Variants in ST3GAL3 observed in about 807,000 individuals in gnomAD.
The protein encoded by ST3GAL3 is ST3 beta-galactoside alpha-2,3-sialyltransferase 3.
In ST3GAL3, 21 loss-of-function variants were observed where a neutral mutation model predicts 50.1. The observed-to-expected ratio is 0.42, with a 90% CI of 0.30 to 0.60. ST3GAL3 has a LOEUF of 0.60. Ranked by LOEUF, ST3GAL3 falls within the 20% of genes least tolerant of loss-of-function variation. The probability of loss-of-function intolerance (pLI) is 0.19; values close to 1 mark genes in which losing one functional copy is unlikely to be tolerated. For synonymous variants in ST3GAL3, 183 were observed against 190.0 expected (o/e 0.96, Z 0.30); for missense variants, 353 against 489.4 (o/e 0.72, Z 2.63).
chr1:43,860,371 C>T (rs2069593328), intron 5 of ST3GAL3, among the ~76,000 whole-genome samples: 1 of 152,206 alleles, frequency 6.6e-6, no homozygotes, highest in South Asian at 2.1e-4. Flanking sequence ...GCCTGGGCTC[C>T]TGACGCAGCC....
At position 43,894,424 on chromosome 1, in the gene ST3GAL3, G is replaced by T. The variant is rs767108992; in HGVS notation, c.344G>T (p.Arg115Leu). ...CCCATGTTCCTGGATGACTCCTTTC[G>T]CAAGTGGGCTAGAATCCGGGAGTTC... ...PAPMFLDDSF[R>L]KWARIREFVP... Residue 115 changes from arginine to leucine, a missense_variant, in exon 6 of 12, where the codon CGC becomes CTC. Physicochemically the swap from Arg to Leu is moderately radical, Grantham distance 102. Coordinates refer to ENST00000347631, the MANE Select transcript of ST3GAL3 (RefSeq NM_006279.5). 7 of 1,613,974 alleles carry T rather than the reference G, an allele frequency of 4.3e-6. No individual in the cohort carries two copies. Among genetic ancestry groups the T allele is most frequent in the East Asian group, 4.5e-5 (2 of 44,888 alleles).
At chr1:43,733,029 T>C (rs1176274879) in intron 1 of ST3GAL3, among the ~76,000 whole-genome samples, 1 of 151,772 alleles carries the variant, frequency 6.6e-6, no homozygotes, top group African/African-American at 2.4e-5. Context: ...CCCAGGCTGA[T>C]GTGCAGTAGC....
chr1:43,920,545 C>T lies in ST3GAL3; in HGVS notation c.886C>T (p.Arg296Trp), dbSNP rs554609799. Reference sequence around the variant, plus strand: ...GCCCTTCAACAATGGCCTCATGGGCCGGGGGGTGAGATATCTGGGCCCTGG... The same window carrying T: ...GCCCTTCAACAATGGCCTCATGGGCTGGGGGGTGAGATATCTGGGCCCTGG... ...GLPFNNGLMG[R>W]GNIPTLGSVA... The change falls in exon 10 of 12, where the codon CGG becomes TGG. Residue 296 changes from arginine to tryptophan, a missense_variant. Physicochemically the swap from Arg to Trp is moderately radical, Grantham distance 101. Coordinates refer to ENST00000347631, the MANE Select transcript of ST3GAL3 (RefSeq NM_006279.5). 2.5e-6 allele frequency: 4 copies of T among 1,606,600 alleles called. No homozygotes were observed. The highest frequency in any genetic ancestry group is 2.3e-5 in the East Asian group (1 of 44,398).
intron 2 of ST3GAL3, among the ~76,000 whole-genome samples, chr1:43,766,071 T>TA (rs1270964150): frequency 1.3e-5 from 2 of 152,020 alleles, no homozygotes; most frequent in East Asian, 3.9e-4. Context: ...AGAGCTGGAA[T>TA]AAAAAATCCA....
intron 9 of ST3GAL3, among the ~76,000 whole-genome samples, chr1:43,907,017 C>T (rs184076793): frequency 6.6e-6 from 1 of 152,298 alleles, no homozygotes; most frequent in Non-Finnish European, 1.5e-5. Context: ...CATCAGTCAG[C>T]TCCTATCTGC....
At chr1:43,720,561 C>G (rs1669912583) in intron 1 of ST3GAL3, 1 of 152,094 alleles carries the variant, frequency 6.6e-6, no homozygotes, top group South Asian at 2.1e-4. Context: ...CCTGGAAGGG[C>G]AAGAGAGAGT....
intron 1 of ST3GAL3, among the ~76,000 whole-genome samples, chr1:43,731,486 G>A (rs1558047848): frequency 6.8e-6 from 1 of 146,642 alleles, no homozygotes; most frequent in South Asian, 2.2e-4. Flanking sequence ...CCGGGTTCAC[G>A]CCATTCTCCT....
At chr1:43,860,890 T>G (rs2069744043) in intron 5 of ST3GAL3, among the ~76,000 whole-genome samples, 1 of 152,232 alleles carries the variant, frequency 6.6e-6, no homozygotes, top group African/African-American at 2.4e-5. Context: ...AGTAGAAAGC[T>G]TTTGAGCTGA....
intron 5 of ST3GAL3, among the ~76,000 whole-genome samples, chr1:43,857,633 T>G (rs2068834130): frequency 6.8e-6 from 1 of 146,896 alleles, no homozygotes; most frequent in African/African-American, 2.5e-5. Context: ...CCTTCCTTCC[T>G]TCCTCGGAGT....
intron 2 of ST3GAL3, among the ~76,000 whole-genome samples, chr1:43,739,942 A>G (rs918996825): frequency 1.3e-5 from 2 of 152,224 alleles, no homozygotes; most frequent in Non-Finnish European, 2.9e-5. Flanking sequence ...TTATACATGT[A>G]GTATGATAAA....
At chr1:43,918,900 A>G (rs950226961) in intron 9 of ST3GAL3, among the ~76,000 whole-genome samples, 1 of 151,814 alleles carries the variant, frequency 6.6e-6, no homozygotes, top group Non-Finnish European at 1.5e-5. Context: ...TAGTTCTCAC[A>G]TATTTCTTAT....
chr1:43,773,379 C>T (rs1696048049), intron 2 of ST3GAL3, among the ~76,000 whole-genome samples: 1 of 152,152 alleles, frequency 6.6e-6, no homozygotes, highest in African/African-American at 2.4e-5. Context: ...CCCAGGGCTC[C>T]AAGTTCTGAC....
At chr1:43,906,214 A>C (rs1436200404) in intron 9 of ST3GAL3, among the ~76,000 whole-genome samples, 47 of 44,032 alleles carry the variant, frequency 1.1e-3, no homozygotes, top group East Asian at 3.4e-3. Context: ...CCTTCCTGCC[A>C]CTCTTCCTCC....
chr1:43,845,571 C>T (rs1157722643), intron 5 of ST3GAL3, among the ~76,000 whole-genome samples: 2 of 151,698 alleles, frequency 1.3e-5, no homozygotes, highest in African/African-American at 2.4e-5. Context: ...TTTTGTTGAT[C>T]CTCTCAAATA....
chr1:43,870,001 A>C (rs1288236179), intron 5 of ST3GAL3, among the ~76,000 whole-genome samples: 2 of 152,178 alleles, frequency 1.3e-5, no homozygotes, highest in South Asian at 2.1e-4. Context: ...TATGGTCCGC[A>C]TGTGGTATCT....
intron 5 of ST3GAL3, among the ~76,000 whole-genome samples, chr1:43,861,487 A>T (rs1001269206): frequency 2.0e-5 from 3 of 152,050 alleles, no homozygotes. Context: ...GCATTTGTTG[A>T]TACAGAAATA....
At chr1:43,769,793 G>A (rs1157596633) in intron 2 of ST3GAL3, among the ~76,000 whole-genome samples, 1 of 152,178 alleles carries the variant, frequency 6.6e-6, no homozygotes, top group Middle Eastern at 3.2e-3. Context: ...TTGTAAAATA[G>A]TAGTTCAAGC....
At chr1:43,881,780 T>A (rs2075177970) in intron 5 of ST3GAL3, among the ~76,000 whole-genome samples, 2 of 147,550 alleles carry the variant, frequency 1.4e-5, no homozygotes, top group Admixed American at 1.3e-4. Context: ...CTGGCAGTAT[T>A]TCAGAATGGG....
At chr1:43,925,570 T>G (rs1024692853) in intron 11 of ST3GAL3, among the ~76,000 whole-genome samples, 1 of 152,234 alleles carries the variant, frequency 6.6e-6, no homozygotes, top group Non-Finnish European at 1.5e-5. Flanking sequence ...ACTGAGAATG[T>G]TGGTGCCCGG....
Sources: gnomAD v4.1 joint callset for allele counts (sites outside exome capture counted in the v4.1 genomes callset) on GRCh38, gnomAD v4.1.1 for gene constraint, MANE v1.5 for transcripts, NCBI Gene and HGNC (gene_info 2026-07-23, HGNC 2026-07-21) for gene names.